The following SHISAL2B variants were observed in gnomAD, a reference collection of about 807,000 sequenced individuals.
SHISAL2B encodes the protein protein shisa-like-2B.
SHISAL2B carries 12 observed loss-of-function variants against 16.5 expected under a neutral mutation model. The observed-to-expected ratio is 0.73, with a 90% confidence interval of 0.47 to 1.18. SHISAL2B has a LOEUF of 1.18. Ranked by LOEUF, SHISAL2B falls within the 50% of genes most tolerant of loss-of-function variation. The probability of loss-of-function intolerance (pLI) is 0.00; values close to 1 mark genes in which losing one functional copy is unlikely to be tolerated. For missense variants in SHISAL2B, 183 were observed against 193.6 expected (o/e 0.95, Z 0.33); for synonymous variants, 72 against 75.0 (o/e 0.96, Z 0.21).
intron 2 of SHISAL2B, among the ~76,000 whole-genome samples, chr5:64,709,346 T>G (rs1348333187): frequency 1.3e-5 from 2 of 151,714 alleles, no homozygotes; most frequent in African/African-American, 4.8e-5. Flanking sequence ...TCTCATCCAT[T>G]TCCCTACAAA....
At chr5:64,712,361 A>C (rs369669593) in intron 2 of SHISAL2B, among the ~76,000 whole-genome samples, 133 of 152,090 alleles carry the variant, frequency 8.7e-4, no homozygotes, top group Admixed American at 2.6e-3. Flanking sequence ...GAGTGAGATT[A>C]TTAATCCTGA....
Position 64,718,076 on chromosome 5 carries a change from A to G in SHISAL2B, c.*54A>G, listed in dbSNP as rs1359624034. 4 of 1,409,952 alleles carry G rather than the reference A, an allele frequency of 2.8e-6. No individual in the cohort carries two copies. The highest frequency in any genetic ancestry group is 3.7e-6 in the Non-Finnish European group (4 of 1,082,620). 87.3% of individuals were successfully genotyped at this position (1,409,952 alleles called of 1,614,324 possible). ...TGGAGAGATGGGACAATAAAAATAAAGCGTGCACTTGAAACGGTTTGTAAT... is the reference window on the plus strand; with the variant it reads ...TGGAGAGATGGGACAATAAAAATAAGGCGTGCACTTGAAACGGTTTGTAAT... On this transcript the variant is annotated 3_prime_UTR_variant, in exon 3 of 3. Coordinates refer to ENST00000389074, the MANE Select transcript of SHISAL2B (RefSeq NM_001164442.2).
intron 2 of SHISAL2B, among the ~76,000 whole-genome samples, chr5:64,702,092 A>T (rs1184229871): frequency 1.3e-5 from 2 of 152,244 alleles, no homozygotes; most frequent in Non-Finnish European, 2.9e-5. Flanking sequence ...AGATATAAAG[A>T]TAAAAGATTC....
rs1741723009 is a variant in SHISAL2B at position 64,695,672 on chromosome 5, G to A, written c.349+8G>A. On this transcript the variant is annotated splice_region_variant and intron_variant, in intron 2 of 2. Transcript: ENST00000389074. The stretch of plus-strand genomic sequence containing the variant: ...CTTCTTCCACTCAAGAAGGTAATCA[G>A]TATCTATTATTTGTTACCAATTACC... 2 of 1,514,018 alleles carry A rather than the reference G, an allele frequency of 1.3e-6. No individual in the cohort carries two copies. Among genetic ancestry groups the A allele is most frequent in the Admixed American group, 2.1e-5 (1 of 47,456 alleles). The allele number at this position is 1,514,018 out of a possible 1,614,324, so 93.8% of individuals were successfully genotyped here. A position where few individuals can be genotyped will look rare whatever the true frequency, so the allele number is the denominator to read the frequency against.
At chr5:64,697,918 A>C (rs2112058998) in intron 2 of SHISAL2B, among the ~76,000 whole-genome samples, 1 of 152,282 alleles carries the variant, frequency 6.6e-6, no homozygotes, top group East Asian at 1.9e-4. Flanking sequence ...TCTGTAGAGG[A>C]GATCTCTCAG....
At chr5:64,693,047 G>A (rs559965401) in intron 1 of SHISAL2B, among the ~76,000 whole-genome samples, 34 of 150,128 alleles carry the variant, frequency 2.3e-4, no homozygotes, top group African/African-American at 7.9e-4. Flanking sequence ...TCACTCTGTC[G>A]CCCAGGCTGG....
intron 2 of SHISAL2B, among the ~76,000 whole-genome samples, chr5:64,703,211 C>G (rs1741832693): frequency 6.6e-6 from 1 of 152,078 alleles, no homozygotes; most frequent in Non-Finnish European, 1.5e-5. Context: ...AACATTTGCT[C>G]AAAGCTTTTA....
chr5:64,691,809 G>A (rs1246428932), intron 1 of SHISAL2B, among the ~76,000 whole-genome samples: 1 of 152,116 alleles, frequency 6.6e-6, no homozygotes, highest in Non-Finnish European at 1.5e-5. Flanking sequence ...ACCTTAAATT[G>A]TTTTGTACAT....
chr5:64,711,425 C>G (rs1741956366), intron 2 of SHISAL2B, among the ~76,000 whole-genome samples: 1 of 148,674 alleles, frequency 6.7e-6, no homozygotes, highest in Admixed American at 6.6e-5. Flanking sequence ...TGATGTGCTG[C>G]TGGATTCGGT....
At chr5:64,701,853 G>A (rs1161929797) in intron 2 of SHISAL2B, among the ~76,000 whole-genome samples, 1 of 152,176 alleles carries the variant, frequency 6.6e-6, no homozygotes, top group Non-Finnish European at 1.5e-5. Context: ...GATTTGGGCT[G>A]GCTCAGCATG....
chr5:64,707,820 A>T (rs1741894939), intron 2 of SHISAL2B, among the ~76,000 whole-genome samples: 3 of 152,212 alleles, frequency 2.0e-5, no homozygotes, highest in African/African-American at 7.2e-5. Context: ...TCTTCTTTTA[A>T]CTCAGTCCAT....
chr5:64,700,891 G>A (rs540268084), intron 2 of SHISAL2B, among the ~76,000 whole-genome samples: 80 of 152,226 alleles, frequency 5.3e-4, no homozygotes, highest in Middle Eastern at 3.4e-3. Context: ...CCTCACATGC[G>A]CAGTTCACAA....
intron 1 of SHISAL2B, chr5:64,694,076 T>G (rs1741693829): frequency 2.2e-6 from 1 of 455,450 alleles, no homozygotes; most frequent in Non-Finnish European, 4.4e-6. Context: ...CTTCCCTCCC[T>G]TTTGGTACAG....
chr5:64,705,368 CA>C (rs1173890592), intron 2 of SHISAL2B, among the ~76,000 whole-genome samples: 3 of 151,946 alleles, frequency 2.0e-5, no homozygotes, highest in Non-Finnish European at 4.4e-5. Context: ...TTAAAAAACC[CA>C]AAAACCCCAA....
intron 2 of SHISAL2B, among the ~76,000 whole-genome samples, chr5:64,704,587 A>G (rs1741850657): frequency 6.6e-6 from 1 of 152,316 alleles, no homozygotes; most frequent in African/African-American, 2.4e-5. Context: ...GAATCTTGGC[A>G]ATTCCCACTT....
Position 64,690,652 on chromosome 5 carries a change from G to T in SHISAL2B, c.29G>T (p.Gly10Val). MSEASRLCS[G>V]YYSLNQSFVE... ...AGCGAGGCCAGCCGACTGTGCTCCG[G>T]CTACTACAGCCTCAACCAGAGCTTC... The change falls in exon 1 of 3, where the codon GGC becomes GTC. Residue 10 changes from glycine to valine, a missense_variant. Gly to Val is a moderately radical substitution (Grantham distance 109). Coordinates refer to ENST00000389074, the MANE Select transcript of SHISAL2B (RefSeq NM_001164442.2). 1.3e-6 allele frequency: 2 copies of T among 1,523,358 alleles called. No individual in the cohort carries two copies. The highest frequency in any genetic ancestry group is 1.8e-6 in the Non-Finnish European group (2 of 1,139,050). The allele number at this position is 1,523,358 out of a possible 1,614,324, so 94.4% of individuals were successfully genotyped here.
chr5:64,690,785 C>T lies in SHISAL2B; in HGVS notation c.162C>T (p.Pro54=), dbSNP rs1487975146. 6.5e-7 allele frequency: 1 copy of T among 1,544,862 alleles called. No individual in the cohort carries two copies. ...GCAGCGAGCCGGGCAGCTACTTCCCCTACAAGCACAGCTACATGTGGAGCC... is the reference window on the plus strand; with the variant it reads ...GCAGCGAGCCGGGCAGCTACTTCCCTTACAAGCACAGCTACATGTGGAGCC... ...YCCSEPGSYF[P]YKHSYMWSLS... Residue 54 remains proline (P), a synonymous_variant, in exon 1 of 3, where the codon CCC becomes CCT. Transcript: ENST00000389074.
At chr5:64,693,227 T>C (rs914067084) in intron 1 of SHISAL2B, among the ~76,000 whole-genome samples, 5 of 152,112 alleles carry the variant, frequency 3.3e-5, no homozygotes, top group Non-Finnish European at 5.9e-5. Context: ...CAGGATGGTC[T>C]CAATCTCCTG....
intron 1 of SHISAL2B, among the ~76,000 whole-genome samples, chr5:64,692,792 C>G (rs1453456363): frequency 6.6e-6 from 1 of 152,164 alleles, no homozygotes; most frequent in Non-Finnish European, 1.5e-5. Flanking sequence ...TGTCTGGCCC[C>G]TTCCCATCTT....
Sources: allele counts gnomAD v4.1 joint callset (sites outside exome capture counted in the v4.1 genomes callset), GRCh38; gene constraint gnomAD v4.1.1; transcripts MANE v1.5; gene names NCBI Gene and HGNC (gene_info 2026-07-23, HGNC 2026-07-21).